Variants in ADGRL2 observed in about 807,000 individuals in gnomAD.
The protein encoded by ADGRL2 is calcium-independent alpha-latrotoxin receptor 2.
A neutral mutation model predicts 157.4 loss-of-function variants in ADGRL2; 44 were observed. That is an observed-to-expected ratio of 0.28 (90% CI 0.22 to 0.36). The LOEUF (loss-of-function observed/expected upper bound fraction) is 0.36. ADGRL2 is among the 10% of genes least tolerant of loss of function. ADGRL2 has a pLI of 1.00. For missense variants in ADGRL2, 1,510 were observed against 1,768.9 expected (o/e 0.85, Z 2.63); for synonymous variants, 585 against 624.7 (o/e 0.94, Z 0.95).
At chr1:81,369,879 C>A (rs2076132607) in intron 1 of ADGRL2, among the ~76,000 whole-genome samples, 1 of 152,116 alleles carries the variant, frequency 6.6e-6, no homozygotes, top group African/African-American at 2.4e-5. Context: ...TTTTATTTCA[C>A]TAAGCTTTTT....
intron 1 of ADGRL2, among the ~76,000 whole-genome samples, chr1:81,372,305 A>G (rs1232177127): frequency 6.6e-6 from 1 of 152,238 alleles, no homozygotes; most frequent in Non-Finnish European, 1.5e-5. Context: ...GAATATTGGT[A>G]CATTTAGAGC....
chr1:81,940,816 C>T (rs1322986145), intron 4 of ADGRL2, among the ~76,000 whole-genome samples: 1 of 151,456 alleles, frequency 6.6e-6, no homozygotes, highest in Admixed American at 6.6e-5. Flanking sequence ...TACTTCAAGC[C>T]TATATACAAT....
intron 1 of ADGRL2, among the ~76,000 whole-genome samples, chr1:81,746,875 C>G (rs185339119): frequency 1.3e-4 from 20 of 150,132 alleles, no homozygotes; most frequent in African/African-American, 4.9e-4. Context: ...CACGTATATA[C>G]ACACGTGCAC....
At chr1:81,587,621 T>C (rs544249223) in intron 3 of ADGRL2, among the ~76,000 whole-genome samples, 1 of 152,218 alleles carries the variant, frequency 6.6e-6, no homozygotes, top group Non-Finnish European at 1.5e-5. Context: ...CATGTTATGC[T>C]AAAGAGTGGG....
chr1:81,711,712 G>T (rs1203951684), intron 1 of ADGRL2, among the ~76,000 whole-genome samples: 3 of 152,120 alleles, frequency 2.0e-5, no homozygotes, highest in Admixed American at 2.0e-4. Flanking sequence ...ATACACCAGT[G>T]CTTTCTATCA....
intron 3 of ADGRL2, among the ~76,000 whole-genome samples, chr1:81,664,571 C>A (rs1048992376): frequency 2.0e-5 from 3 of 152,116 alleles, no homozygotes; most frequent in African/African-American, 7.2e-5. Context: ...AAGAGTTTCC[C>A]TCCCAGGCAC....
At chr1:81,914,618 T>C (rs2094811815) in intron 3 of ADGRL2, among the ~76,000 whole-genome samples, 1 of 152,162 alleles carries the variant, frequency 6.6e-6, no homozygotes, top group African/African-American at 2.4e-5. Flanking sequence ...GTAAAATACA[T>C]ACGGGGGAAA....
intron 1 of ADGRL2, among the ~76,000 whole-genome samples, chr1:81,728,856 C>T (rs564847075): frequency 2.8e-4 from 42 of 152,178 alleles, no homozygotes; most frequent in South Asian, 4.2e-4. Flanking sequence ...GCTCCAGTTC[C>T]GAATAAGAGA....
chr1:81,454,823 C>G (rs77835296), intron 2 of ADGRL2, among the ~76,000 whole-genome samples: 1 of 152,132 alleles, frequency 6.6e-6, no homozygotes, highest in Non-Finnish European at 1.5e-5. Flanking sequence ...TTTGCTTAAA[C>G]GTTTTAGAAC....
At chr1:81,528,293 A>G (rs2079513374) in intron 2 of ADGRL2, among the ~76,000 whole-genome samples, 1 of 152,184 alleles carries the variant, frequency 6.6e-6, no homozygotes. Context: ...TGGTGCCAAA[A>G]TGAGTGATCC....
intron 2 of ADGRL2, among the ~76,000 whole-genome samples, chr1:81,837,306 C>T (rs1338313700): frequency 4.0e-5 from 6 of 151,752 alleles, no homozygotes; most frequent in Non-Finnish European, 5.9e-5. Context: ...TAAATAATCC[C>T]GAGGGAACTA....
chr1:81,974,802 T>G (rs930206326), intron 17 of ADGRL2, among the ~76,000 whole-genome samples: 1 of 152,122 alleles, frequency 6.6e-6, no homozygotes, highest in African/African-American at 2.4e-5. Context: ...CTTTGTATTT[T>G]TATGTTCATC....
intron 2 of ADGRL2, among the ~76,000 whole-genome samples, chr1:81,782,873 T>C (rs997674676): frequency 3.3e-5 from 5 of 152,082 alleles, no homozygotes; most frequent in African/African-American, 1.2e-4. Context: ...GGACTGTATC[T>C]ACCTGAGTAT....
Position 81,713,891 on chromosome 1 carries a change from G to A in ADGRL2, c.-143+14083G>A, listed in dbSNP as rs867430923. The stretch of plus-strand genomic sequence containing the variant: ...CTCACACTGCTAATAAAGACATACC[G>A]GAGACTGGGGAATTTATAAAGAAAA... On this transcript the variant is annotated intron_variant, in intron 1 of 20. Transcript: ENST00000359929. Among the ~76,000 whole-genome samples the A allele has an allele frequency of 5.9e-5, 9 of 152,106 alleles. No homozygotes were observed. The South Asian group carries it at 1.2e-3, about 21-fold the overall frequency.
At chr1:81,510,225 T>G (rs1307156549) in intron 2 of ADGRL2, among the ~76,000 whole-genome samples, 3 of 152,160 alleles carry the variant, frequency 2.0e-5, no homozygotes, top group African/African-American at 7.2e-5. Context: ...TTAGGAGTGA[T>G]AATGATAATG....
At chr1:81,323,898 G>A (rs916402947) in intron 1 of ADGRL2, among the ~76,000 whole-genome samples, 5 of 152,156 alleles carry the variant, frequency 3.3e-5, no homozygotes, top group Non-Finnish European at 5.9e-5. Flanking sequence ...GAAAAGAGGA[G>A]CATCGCAAAG....
At chr1:81,649,736 G>A (rs1169217731) in intron 3 of ADGRL2, among the ~76,000 whole-genome samples, 1 of 152,176 alleles carries the variant, frequency 6.6e-6, no homozygotes, top group Non-Finnish European at 1.5e-5. Flanking sequence ...AGAGAAAACA[G>A]GCTTGGAGGG....
chr1:81,547,824 A>G (rs1215546563), intron 2 of ADGRL2, among the ~76,000 whole-genome samples: 2 of 152,204 alleles, frequency 1.3e-5, no homozygotes, highest in Non-Finnish European at 2.9e-5. Flanking sequence ...AACTTGATTT[A>G]AGGGATAAGT....
intron 16 of ADGRL2, among the ~76,000 whole-genome samples, chr1:81,971,280 TTAATAAGTTTATGCATCATTTACTC>T: frequency 6.6e-6 from 1 of 152,300 alleles, no homozygotes; most frequent in South Asian, 2.1e-4. Flanking sequence ...AAAATCTGTC[TTAATAAGTTTATGCATCATTTACTC>T]TAATACTGTG....
Sources: allele counts gnomAD v4.1 joint callset (sites outside exome capture counted in the v4.1 genomes callset), GRCh38; gene constraint gnomAD v4.1.1; transcripts MANE v1.5; gene names NCBI Gene and HGNC (gene_info 2026-07-23, HGNC 2026-07-21).